Variants in DOCK1 observed in about 807,000 individuals in gnomAD.
DOCK1 encodes dedicator of cytokinesis protein 1.
DOCK1 carries 138 observed loss-of-function variants against 262.7 expected under a neutral mutation model. The observed-to-expected ratio is 0.53, with a 90% confidence interval of 0.46 to 0.61. DOCK1 has a LOEUF of 0.61. Ranked by LOEUF, DOCK1 falls within the 20% of genes least tolerant of loss-of-function variation. The pLI is 0.00. For missense variants in DOCK1, 1,908 were observed against 2,370.7 expected (o/e 0.80, Z 4.05); for synonymous variants, 866 against 867.4 (o/e 1.00, Z 0.03).
chr10:127,414,464 A>G (rs545130645), intron 43 of DOCK1, among the ~76,000 whole-genome samples: 19 of 152,320 alleles, frequency 1.2e-4, no homozygotes, highest in African/African-American at 4.3e-4. Context: ...TGCAATAGGT[A>G]ATATACTGTT....
chr10:126,995,746 T>G lies in DOCK1; in HGVS notation c.474-1002T>G, dbSNP rs185555728. ...ATTTATTAGCCAGATGTTGCTTGTG[T>G]TTTTAGTTGGTGACTACATTTAGCC... On this transcript the variant is annotated intron_variant, in intron 6 of 51. Coordinates refer to ENST00000623213, the MANE Select transcript of DOCK1 (RefSeq NM_001290223.2). This position sits in a 1 kb window ranked among gnomAD's most constrained non-coding sequence, Gnocchi z 5.8. Among the ~76,000 whole-genome samples the G allele has an allele frequency of 1.3e-5, 2 of 152,334 alleles. No individual in the cohort carries two copies. The highest frequency in any genetic ancestry group is 1.3e-4 in the Admixed American group (2 of 15,302).
At chr10:127,358,731 G>A (rs74818021) in intron 32 of DOCK1, among the ~76,000 whole-genome samples, 1 of 152,198 alleles carries the variant, frequency 6.6e-6, no homozygotes, top group Non-Finnish European at 1.5e-5. Flanking sequence ...GTGTGGCCAG[G>A]TGGTGGAAGC....
intron 27 of DOCK1, among the ~76,000 whole-genome samples, chr10:127,173,759 G>C (rs899965207): frequency 6.6e-6 from 1 of 152,188 alleles, no homozygotes; most frequent in Non-Finnish European, 1.5e-5. Flanking sequence ...CGCCTGATGA[G>C]TGTTGCTTTT....
At chr10:127,235,535 G>A (rs1292381311) in intron 27 of DOCK1, among the ~76,000 whole-genome samples, 1 of 152,180 alleles carries the variant, frequency 6.6e-6, no homozygotes, top group Non-Finnish European at 1.5e-5. Flanking sequence ...TTAGTAGGTA[G>A]TAGGTGTTTG....
At chr10:126,968,663 T>C (rs563521745) in intron 1 of DOCK1, among the ~76,000 whole-genome samples, 93 of 152,332 alleles carry the variant, frequency 6.1e-4, no homozygotes, top group African/African-American at 2.1e-3. Flanking sequence ...GTGTTTATTT[T>C]TCCCACGTCT....
At chr10:127,039,255 T>A (rs573047462) in intron 19 of DOCK1, among the ~76,000 whole-genome samples, 2 of 145,940 alleles carry the variant, frequency 1.4e-5, no homozygotes, top group Non-Finnish European at 3.0e-5. Context: ...TTCCCTGTGT[T>A]CTGTAAATTC....
chr10:127,026,518 A>G, intron 16 of DOCK1, 94 bp downstream of exon 16: 2 of 1,128,688 alleles, frequency 1.8e-6, no homozygotes, highest in Non-Finnish European at 2.6e-6. Context: ...GGAACTCGCT[A>G]TCATAACACA....
chr10:127,003,919 G>A (rs1248097384), intron 10 of DOCK1, among the ~76,000 whole-genome samples: 1 of 151,802 alleles, frequency 6.6e-6, no homozygotes, highest in African/African-American at 2.4e-5. Flanking sequence ...GTGTCACTGC[G>A]CTCCAGCTTG....
At chr10:127,123,909 T>G (rs1391492055) in intron 25 of DOCK1, among the ~76,000 whole-genome samples, 1 of 152,244 alleles carries the variant, frequency 6.6e-6, no homozygotes, top group Admixed American at 6.5e-5. Flanking sequence ...TGTTGACTAC[T>G]GGCATTGTGA....
intron 25 of DOCK1, among the ~76,000 whole-genome samples, chr10:127,113,224 C>T (rs561401461): frequency 1.3e-5 from 2 of 152,184 alleles, no homozygotes; most frequent in Admixed American, 1.3e-4. Context: ...TCTTTGTGTT[C>T]AGATTTCTAG....
At chr10:127,300,778 C>T (rs2061653257) in intron 29 of DOCK1, among the ~76,000 whole-genome samples, 1 of 152,162 alleles carries the variant, frequency 6.6e-6, no homozygotes, top group African/African-American at 2.4e-5. Flanking sequence ...GCCTGCCTGT[C>T]CTCCCGAGAG....
In DOCK1 at chr10:127,415,245, A is replaced by T; in HGVS notation, c.4515+7A>T. On this transcript the variant is annotated splice_region_variant and intron_variant, in intron 44 of 51. Coordinates refer to ENST00000623213, the MANE Select transcript of DOCK1 (RefSeq NM_001290223.2). Reference sequence around the variant, plus strand: ...GGTCAAGTCTGTTTTCATGGTAAGGATGGCCCCACCCCAGAAGGAATTGTC... The same window carrying T: ...GGTCAAGTCTGTTTTCATGGTAAGGTTGGCCCCACCCCAGAAGGAATTGTC... 6.2e-7 allele frequency: 1 copy of T among 1,612,106 alleles called. No homozygotes were observed.
In DOCK1 at chr10:127,421,009, G is replaced by A. The variant is rs566559577; in HGVS notation, c.4776+1260G>A. Among the ~76,000 whole-genome samples the A allele has an allele frequency of 2.6e-5, 4 of 151,700 alleles. No individual in the cohort carries two copies. The Middle Eastern group carries it at 0.01, about 387-fold the overall frequency. ...TCAGCTTACTGCAACCTCCTCCTCC[G>A]GGGTTCAAGTGATTCTCCTGCCTTA... On this transcript the variant is annotated intron_variant, in intron 46 of 51. Transcript: ENST00000623213.
chr10:127,323,898 T>C (rs2062645193), intron 29 of DOCK1, among the ~76,000 whole-genome samples: 1 of 152,230 alleles, frequency 6.6e-6, no homozygotes, highest in South Asian at 2.1e-4. Flanking sequence ...GTTCAGTGCT[T>C]CCCTCACTGC....
intron 29 of DOCK1, among the ~76,000 whole-genome samples, chr10:127,338,031 G>A (rs1590549429): frequency 6.6e-6 from 1 of 152,150 alleles, no homozygotes; most frequent in East Asian, 1.9e-4. Flanking sequence ...GCTTCTCCAG[G>A]CACGCTTGGC....
At chr10:127,070,162 C>T (rs1308420406) in intron 23 of DOCK1, among the ~76,000 whole-genome samples, 2 of 150,696 alleles carry the variant, frequency 1.3e-5, no homozygotes, top group African/African-American at 2.4e-5. Context: ...TCTACTGTGG[C>T]GTGGCCTCAG....
chr10:127,037,825 G>C lies in DOCK1; in HGVS notation c.2010+9G>C. 1 of 1,546,566 alleles carries C rather than the reference G, an allele frequency of 6.5e-7. No homozygotes were observed. The highest frequency in any genetic ancestry group is 2.3e-5 in the East Asian group (1 of 42,954). Reference sequence around the variant, plus strand: ...GTGGTGAAGTAGTGAAGGTAACATGGAGCCCAAAGGGACTTTTTGGGTCTT... The same window carrying C: ...GTGGTGAAGTAGTGAAGGTAACATGCAGCCCAAAGGGACTTTTTGGGTCTT... On this transcript the variant is annotated intron_variant, in intron 19 of 51. Coordinates refer to ENST00000623213, the MANE Select transcript of DOCK1 (RefSeq NM_001290223.2).
chr10:127,342,506 T>A (rs1462808780), intron 30 of DOCK1, among the ~76,000 whole-genome samples: 1 of 152,206 alleles, frequency 6.6e-6, no homozygotes, highest in Non-Finnish European at 1.5e-5. Flanking sequence ...GGTGATCAAA[T>A]GAGCTGGTGT....
intron 44 of DOCK1, 88 bp downstream of exon 44, chr10:127,415,326 G>A: frequency 7.5e-7 from 1 of 1,333,782 alleles, no homozygotes; most frequent in Non-Finnish European, 1.0e-6. Flanking sequence ...ATGCCCCGTG[G>A]TCACTGTGGC....
Sources: gnomAD v4.1 joint callset for allele counts (sites outside exome capture counted in the v4.1 genomes callset) on GRCh38, gnomAD v4.1.1 for gene constraint, Gnocchi (gnomAD v3.1) non-coding constraint, MANE v1.5 for transcripts, NCBI Gene and HGNC (gene_info 2026-07-23, HGNC 2026-07-21) for gene names.